PTPN5: variants seen among roughly 807,000 people sequenced by gnomAD.
PTPN5 encodes the protein protein tyrosine phosphatase non-receptor type 5.
In PTPN5, 29 loss-of-function variants were observed where a neutral mutation model predicts 73.9. That is an observed-to-expected ratio of 0.39 (90% CI 0.29 to 0.54). PTPN5 has a LOEUF of 0.54. Among genes scored for constraint, PTPN5 ranks in the 20% least tolerant of loss-of-function variants. The pLI is 0.65. For missense variants in PTPN5, 652 were observed against 751.4 expected (o/e 0.87, Z 1.55); for synonymous variants, 267 against 304.7 (o/e 0.88, Z 1.29).
At chr11:18,739,924 A>G (rs1265923562) in intron 8 of PTPN5, among the ~76,000 whole-genome samples, 1 of 152,168 alleles carries the variant, frequency 6.6e-6, no homozygotes, top group Non-Finnish European at 1.5e-5. Flanking sequence ...GAGGGTGGAA[A>G]GTGCATGTAA....
intron 3 of PTPN5, among the ~76,000 whole-genome samples, chr11:18,755,315 G>C (rs1031484852): frequency 6.6e-6 from 1 of 152,248 alleles, no homozygotes; most frequent in Non-Finnish European, 1.5e-5. Context: ...TGTTGTGAGA[G>C]ATCAGGCCAG....
chr11:18,780,579 A>G (rs7121896), intron 1 of PTPN5, among the ~76,000 whole-genome samples: 103,174 of 152,018 alleles, frequency 0.68, 35,366 homozygotes, highest in East Asian at 0.97. Flanking sequence ...ACCTCAGCCC[A>G]GGTCTCCTCC....
intron 3 of PTPN5, 87 bp from the exon 4 acceptor site, chr11:18,744,286 CCT>C (rs1462910087): frequency 2.5e-6 from 3 of 1,221,128 alleles, no homozygotes; most frequent in East Asian, 5.7e-5. Context: ...GCTGTGGCTG[CCT>C]CTCAATCTGG....
At chr11:18,747,459 G>C (rs915728014) in intron 3 of PTPN5, among the ~76,000 whole-genome samples, 17 of 152,140 alleles carry the variant, frequency 1.1e-4, no homozygotes, top group African/African-American at 4.1e-4. Context: ...CCTGTATTAA[G>C]ATATATGGGT....
At chr11:18,751,617 G>C (rs906187574) in intron 3 of PTPN5, among the ~76,000 whole-genome samples, 3 of 152,222 alleles carry the variant, frequency 2.0e-5, no homozygotes, top group African/African-American at 7.2e-5. Flanking sequence ...CGGATGGTAA[G>C]CTGGCTGAAG....
intron 1 of PTPN5, among the ~76,000 whole-genome samples, chr11:18,777,925 A>C (rs1036961346): frequency 6.6e-6 from 1 of 151,870 alleles, no homozygotes; most frequent in Non-Finnish European, 1.5e-5. Flanking sequence ...AGCCCAGCTT[A>C]CAGGGCGAGA....
chr11:18,731,622 C>A lies in PTPN5; in HGVS notation c.1329+970G>T, dbSNP rs1227936739. Among the ~76,000 whole-genome samples, 3 of 152,340 alleles carry A rather than the reference C, an allele frequency of 2.0e-5. No individual in the cohort carries two copies. The East Asian group carries it at 5.8e-4, about 29-fold the overall frequency. ...AGTTACCTGGCTGTGACAGTGACCA[C>A]TACTTCTGCTTTTCACTTCCTGGCC... On this transcript the variant is annotated intron_variant, in intron 12 of 14. Coordinates refer to ENST00000358540, the MANE Select transcript of PTPN5 (RefSeq NM_006906.2).
intron 1 of PTPN5, among the ~76,000 whole-genome samples, chr11:18,791,298 C>T (rs1851912101): frequency 6.6e-6 from 1 of 152,220 alleles, no homozygotes; most frequent in Non-Finnish European, 1.5e-5. Flanking sequence ...GAGTGGCTGC[C>T]GCTCCCTCCC....
intron 3 of PTPN5, among the ~76,000 whole-genome samples, chr11:18,752,217 C>T (rs1434830657): frequency 2.0e-5 from 3 of 152,114 alleles, no homozygotes; most frequent in East Asian, 1.9e-4. Flanking sequence ...GGGTGACAAG[C>T]GCGAAACTCC....
At chr11:18,758,385 T>C (rs1181713979) in intron 3 of PTPN5, among the ~76,000 whole-genome samples, 1 of 152,188 alleles carries the variant, frequency 6.6e-6, no homozygotes, top group Non-Finnish European at 1.5e-5. Flanking sequence ...CATCATGCTG[T>C]GAGGAAGCCC....
chr11:18,790,470 C>T (rs553419643), intron 1 of PTPN5, among the ~76,000 whole-genome samples: 1 of 152,302 alleles, frequency 6.6e-6, no homozygotes, highest in East Asian at 1.9e-4. Context: ...TCAGGACTAA[C>T]GCCTGGGAAT....
intron 9 of PTPN5, among the ~76,000 whole-genome samples, chr11:18,736,507 C>T (rs1849118729): frequency 6.6e-6 from 1 of 152,186 alleles, no homozygotes; most frequent in South Asian, 2.1e-4. Flanking sequence ...TGTCTAAATC[C>T]TCAGCCCCTG....
intron 3 of PTPN5, among the ~76,000 whole-genome samples, chr11:18,759,311 G>T (rs531209197): frequency 6.6e-6 from 1 of 152,302 alleles, no homozygotes; most frequent in South Asian, 2.1e-4. Flanking sequence ...AAATCTCTGT[G>T]AAGATGTCAT....
intron 2 of PTPN5, 85 bp downstream of exon 2, chr11:18,771,854 T>A: frequency 8.7e-7 from 1 of 1,152,902 alleles, no homozygotes; most frequent in South Asian, 1.3e-5. Flanking sequence ...TGAGAATGGG[T>A]CACGTGTCCC....
intron 3 of PTPN5, among the ~76,000 whole-genome samples, chr11:18,751,934 A>G (rs1368729511): frequency 1.3e-5 from 2 of 152,198 alleles, no homozygotes; most frequent in African/African-American, 2.4e-5. Context: ...AGGCTAGGTT[A>G]TAAGAGTCCA....
At chr11:18,781,322 A>AATTTTTTTTTT (rs1851417675) in intron 1 of PTPN5, among the ~76,000 whole-genome samples, 1 of 49,118 alleles carries the variant, frequency 2.0e-5, no homozygotes, top group African/African-American at 6.9e-5. Flanking sequence ...TTTTTTGACC[A>AATTTTTTTTTT]CTTTTTTTTT....
At chr11:18,754,241 C>T (rs962023288) in intron 3 of PTPN5, among the ~76,000 whole-genome samples, 10 of 152,090 alleles carry the variant, frequency 6.6e-5, no homozygotes, top group Admixed American at 1.3e-4. Flanking sequence ...AAACAACGAA[C>T]GGAAATTGAG....
chr11:18,742,977 C>CA lies in PTPN5; in HGVS notation c.483+14dup. On this transcript the variant is annotated intron_variant, in intron 6 of 14. Coordinates refer to ENST00000358540, the MANE Select transcript of PTPN5 (RefSeq NM_006906.2). The surrounding 1 kb of genome is among the most constrained non-coding windows in gnomAD (Gnocchi z 4.1). The stretch of plus-strand genomic sequence containing the variant: ...AGGAGGACAGCCTTGAGGTTGGGGT[C>CA]AGGAGGCGCCTTACCAGGGTGGTAA... 6.5e-7 allele frequency: 1 copy of CA among 1,530,324 alleles called. No homozygotes were observed. Among genetic ancestry groups the CA allele is most frequent in the Non-Finnish European group, 8.9e-7 (1 of 1,127,706 alleles). The allele number at this position is 1,530,324 out of a possible 1,614,324, so 94.8% of individuals were successfully genotyped here. A position where few individuals can be genotyped will look rare whatever the true frequency, so the allele number is the denominator to read the frequency against.
At chr11:18,731,319 T>A (rs971367405) in intron 12 of PTPN5, among the ~76,000 whole-genome samples, 2 of 151,912 alleles carry the variant, frequency 1.3e-5, no homozygotes, top group Non-Finnish European at 2.9e-5. Flanking sequence ...ATATTCTATA[T>A]ACCTATCTCT....
Sources: allele counts gnomAD v4.1 joint callset (sites outside exome capture counted in the v4.1 genomes callset), GRCh38; gene constraint gnomAD v4.1.1; non-coding constraint Gnocchi (gnomAD v3.1); transcripts MANE v1.5; gene names NCBI Gene and HGNC (gene_info 2026-07-23, HGNC 2026-07-21).